SAMD12: variants seen among roughly 807,000 people sequenced by gnomAD.
SAMD12 encodes sterile alpha motif domain containing 12.
In SAMD12, 9 loss-of-function variants were observed where a neutral mutation model predicts 15.0. The ratio of observed to expected loss-of-function variants is 0.60; its 90% CI spans 0.36 to 1.05. The LOEUF (loss-of-function observed/expected upper bound fraction) is 1.05. Among genes scored for constraint, SAMD12 ranks in the 50% least tolerant of loss-of-function variants. The pLI is 0.01. For synonymous variants in SAMD12, 86 were observed against 90.1 expected (o/e 0.96, Z 0.25); for missense variants, 230 against 234.2 (o/e 0.98, Z 0.12).
intron 4 of SAMD12, among the ~76,000 whole-genome samples, chr8:118,239,304 G>A (rs1349997152): frequency 6.6e-6 from 1 of 152,118 alleles, no homozygotes; most frequent in Non-Finnish European, 1.5e-5. Flanking sequence ...AAATAGGACA[G>A]CTATACAAGG....
intron 3 of SAMD12, among the ~76,000 whole-genome samples, chr8:118,417,976 G>A (rs531633305): frequency 4.6e-4 from 70 of 152,280 alleles, no homozygotes; most frequent in Admixed American, 2.1e-3. Flanking sequence ...TGTATGACCT[G>A]ATCGAATATT....
chr8:118,418,563 CA>C (rs1439300945), intron 3 of SAMD12, among the ~76,000 whole-genome samples: 1 of 151,982 alleles, frequency 6.6e-6, no homozygotes, highest in Non-Finnish European at 1.5e-5. Context: ...ACTAAAAATA[CA>C]AAAAATTAGC....
At chr8:118,245,447 CG>C (rs1190196633) in intron 4 of SAMD12, among the ~76,000 whole-genome samples, 7 of 152,100 alleles carry the variant, frequency 4.6e-5, no homozygotes, top group African/African-American at 1.7e-4. Flanking sequence ...GTCCCAGCCA[CG>C]TTACACGGTT....
the SAMD12 span, among the ~76,000 whole-genome samples, chr8:118,171,162 G>A: frequency 6.6e-6 from 1 of 152,290 alleles, no homozygotes; most frequent in African/African-American, 2.4e-5. Context: ...TCGTGAAAAG[G>A]TTGCAAAATG....
intron 4 of SAMD12, among the ~76,000 whole-genome samples, chr8:118,353,242 T>C (rs1818050609): frequency 6.7e-6 from 1 of 149,646 alleles, no homozygotes; most frequent in Non-Finnish European, 1.5e-5. Flanking sequence ...CATTATATGG[T>C]TTTGTCATAA....
rs535471854 is a variant in SAMD12 at position 118,244,990 on chromosome 8, G to T, written c.434-47258C>A. Among the ~76,000 whole-genome samples, 9 of 152,246 alleles carry T rather than the reference G, an allele frequency of 5.9e-5. No homozygotes were observed. In the South Asian group the frequency reaches 1.9e-3, roughly 32 times the overall value. ...GTTTATTTTTGGAAATAGGAGAGGA[G>T]GGTGAGTTTTATATCACAGAGGCAG... On this transcript the variant is annotated intron_variant, in intron 4 of 4. Coordinates refer to the SAMD12 transcript ENST00000409003.
At chr8:118,474,800 C>G (rs1416900042) in intron 2 of SAMD12, among the ~76,000 whole-genome samples, 4 of 152,136 alleles carry the variant, frequency 2.6e-5, no homozygotes, top group East Asian at 1.9e-4. Context: ...AAACCTCTTG[C>G]TAAAATTTGA....
chr8:118,491,079 C>T (rs1824429166), intron 2 of SAMD12, among the ~76,000 whole-genome samples: 3 of 152,110 alleles, frequency 2.0e-5, no homozygotes, highest in Admixed American at 2.0e-4. Context: ...CATGACTATA[C>T]CCAGACTGGT....
chr8:118,594,285 G>T (rs746379224), intron 1 of SAMD12, among the ~76,000 whole-genome samples: 29 of 152,060 alleles, frequency 1.9e-4, no homozygotes, highest in Non-Finnish European at 4.3e-4. Context: ...TTTTCAGTGT[G>T]AAGGTCTGTT....
downstream of SAMD12, among the ~76,000 whole-genome samples, chr8:118,189,151 T>C (rs918090498): frequency 2.6e-5 from 4 of 152,294 alleles, no homozygotes; most frequent in African/African-American, 9.6e-5. Flanking sequence ...ATCGTCCAGC[T>C]GTGCTCGACA....
chr8:118,444,835 T>G (rs1341750619), intron 2 of SAMD12, among the ~76,000 whole-genome samples: 2 of 152,250 alleles, frequency 1.3e-5, no homozygotes, highest in Non-Finnish European at 2.9e-5. Flanking sequence ...TTTAATTTAC[T>G]GGGCTTTGAT....
intron 4 of SAMD12, among the ~76,000 whole-genome samples, chr8:118,320,836 TAA>T (rs1421194017): frequency 0.046 from 6,859 of 148,874 alleles, 502 homozygotes; most frequent in African/African-American, 0.15. Flanking sequence ...TATATATATA[TAA>T]AAATCTATAA....
At chr8:118,555,467 C>T (rs1826500870) in intron 2 of SAMD12, among the ~76,000 whole-genome samples, 1 of 152,168 alleles carries the variant, frequency 6.6e-6, no homozygotes, top group Non-Finnish European at 1.5e-5. Flanking sequence ...AGCAGGATTT[C>T]TCCTAGTGCA....
At chr8:118,594,533 T>C (rs948305871) in intron 1 of SAMD12, among the ~76,000 whole-genome samples, 7 of 151,984 alleles carry the variant, frequency 4.6e-5, no homozygotes, top group African/African-American at 1.2e-4. Flanking sequence ...GTAGATGATA[T>C]AGTGGTAAGG....
chr8:118,216,595 A>G (rs1339168029), intron 4 of SAMD12, among the ~76,000 whole-genome samples: 1 of 152,242 alleles, frequency 6.6e-6, no homozygotes, highest in Non-Finnish European at 1.5e-5. Context: ...GTAGCAGCAT[A>G]GAAGTAGCCA....
At chr8:118,617,138 C>A (rs1434042337) in intron 1 of SAMD12, among the ~76,000 whole-genome samples, 1 of 152,194 alleles carries the variant, frequency 6.6e-6, no homozygotes, top group Non-Finnish European at 1.5e-5. Flanking sequence ...AAAAAAATAA[C>A]CCACTATAAG....
chr8:118,224,091 C>A (rs973426653), intron 4 of SAMD12, among the ~76,000 whole-genome samples: 1 of 152,108 alleles, frequency 6.6e-6, no homozygotes, highest in African/African-American at 2.4e-5. Context: ...AGACAATAAA[C>A]AAAACACACA....
chr8:118,385,780 T>A (rs911120598), intron 3 of SAMD12, among the ~76,000 whole-genome samples: 5 of 152,212 alleles, frequency 3.3e-5, no homozygotes, highest in Non-Finnish European at 5.9e-5. Context: ...AAAGGTAATC[T>A]TCTTTACCAC....
chr8:118,553,892 CAAAAG>C (rs1204497595), intron 2 of SAMD12, among the ~76,000 whole-genome samples: 2 of 150,418 alleles, frequency 1.3e-5, no homozygotes, highest in African/African-American at 4.9e-5. Context: ...AGACACTTCT[CAAAAG>C]AAGACATTTA....
Sources: gnomAD v4.1 joint callset for allele counts (sites outside exome capture counted in the v4.1 genomes callset) on GRCh38, gnomAD v4.1.1 for gene constraint, MANE v1.5 for transcripts, NCBI Gene and HGNC (gene_info 2026-07-23, HGNC 2026-07-21) for gene names.